Variants in REEP1 observed in about 807,000 individuals in gnomAD.
REEP1 encodes receptor accessory protein 1.
A neutral mutation model predicts 40.3 loss-of-function variants in REEP1; 22 were observed. That is an observed-to-expected ratio of 0.55 (90% CI 0.39 to 0.78). The LOEUF (loss-of-function observed/expected upper bound fraction) is 0.78, where lower values mean the gene tolerates loss of function less well. REEP1 is among the 30% of genes least tolerant of loss of function. REEP1 has a pLI of 0.00. For synonymous variants in REEP1, 116 were observed against 139.2 expected (o/e 0.83, Z 1.17); for missense variants, 280 against 361.1 (o/e 0.78, Z 1.82).
intron 1 of REEP1, among the ~76,000 whole-genome samples, chr2:86,320,463 G>A (rs1343093879): frequency 6.6e-6 from 1 of 151,936 alleles, no homozygotes; most frequent in African/African-American, 2.4e-5. Flanking sequence ...CACAGTGAAA[G>A]AAAAGAAAAA....
In REEP1 at chr2:86,215,105, G is replaced by A. The variant is rs1345975568; in HGVS notation, c.*1934C>T. 1 of 134,026 alleles carries A rather than the reference G, an allele frequency of 7.5e-6. No homozygotes were observed. Among genetic ancestry groups the A allele is most frequent in the Non-Finnish European group, 1.5e-5 (1 of 64,816 alleles). 8.3% of individuals were successfully genotyped at this position (134,026 alleles called of 1,614,324 possible). A position where few individuals can be genotyped will look rare whatever the true frequency, so the allele number is the denominator to read the frequency against. On this transcript the variant is annotated 3_prime_UTR_variant, in exon 9 of 9. Coordinates refer to ENST00000538924, the MANE Select transcript of REEP1 (RefSeq NM_001371279.1). Reference sequence around the variant, plus strand: ...CTAACAGGTAAATACATTTTAAAGAGTATATTCTTCTTCTGTCTGGAACTA... The same window carrying A: ...CTAACAGGTAAATACATTTTAAAGAATATATTCTTCTTCTGTCTGGAACTA...
At chr2:86,269,713 G>A (rs1677332169) in intron 2 of REEP1, among the ~76,000 whole-genome samples, 1 of 152,088 alleles carries the variant, frequency 6.6e-6, no homozygotes, top group Admixed American at 6.5e-5. Context: ...GATGGTAATA[G>A]GTGGTCAGGA....
Position 86,337,491 on chromosome 2 carries a change from G to A in REEP1, c.20C>T (p.Ser7Phe). MVSWII[S>F]RLVVLIFGTL... ...GAAGGCCACTTACACCACCAGCCTG[G>A]AGATGATCCATGACACCATGGCGGG... Residue 7 changes from serine (S) to phenylalanine (F), a missense_variant, in exon 1 of 9, where the codon TCC becomes TTC. This residue lies in a region of REEP1 where 68 missense variants were observed against 83.7 expected (regional missense o/e 0.81). Transcript: ENST00000538924. The surrounding 1 kb of genome is among the most constrained non-coding windows in gnomAD (Gnocchi z 5.8). The A allele has an allele frequency of 7.7e-7, 1 of 1,304,716 alleles. No individual in the cohort carries two copies. The highest frequency in any genetic ancestry group is 9.8e-7 in the Non-Finnish European group (1 of 1,018,646). The allele number at this position is 1,304,716 out of a possible 1,614,324, so 80.8% of individuals were successfully genotyped here. A position where few individuals can be genotyped will look rare whatever the true frequency, so the allele number is the denominator to read the frequency against.
At chr2:86,309,434 T>C (rs1679655886) in intron 1 of REEP1, among the ~76,000 whole-genome samples, 1 of 152,248 alleles carries the variant, frequency 6.6e-6, no homozygotes, top group Admixed American at 6.5e-5. Flanking sequence ...TGTAAACTGC[T>C]CTTCAATCCA....
intron 5 of REEP1, among the ~76,000 whole-genome samples, chr2:86,241,655 G>C (rs1034484959): frequency 6.6e-6 from 1 of 152,176 alleles, no homozygotes; most frequent in Non-Finnish European, 1.5e-5. Flanking sequence ...GGAGGAACTA[G>C]AGACCCTGGT....
Position 86,216,928 on chromosome 2 carries a change from G to C in REEP1, c.*111C>G. ...GAGAGAGAAAAGGCCATGTTTGTGA[G>C]GCTGCACACTCAAAGCACACCCAGC... is the stretch of plus-strand genomic sequence containing the variant. On this transcript the variant is annotated 3_prime_UTR_variant, in exon 9 of 9. Coordinates refer to ENST00000538924, the MANE Select transcript of REEP1 (RefSeq NM_001371279.1). 1.2e-6 allele frequency: 1 copy of C among 831,756 alleles called. No individual in the cohort carries two copies. The highest frequency in any genetic ancestry group is 2.0e-6 in the Non-Finnish European group (1 of 494,334). 51.5% of individuals were successfully genotyped at this position (831,756 alleles called of 1,614,324 possible). A position where few individuals can be genotyped will look rare whatever the true frequency, so the allele number is the denominator to read the frequency against.
At chr2:86,255,532 C>T (rs1008328801) in intron 3 of REEP1, among the ~76,000 whole-genome samples, 17 of 152,176 alleles carry the variant, frequency 1.1e-4, no homozygotes, top group African/African-American at 3.6e-4. Flanking sequence ...CACAGGCAGG[C>T]ACCCAGTCCC....
intron 1 of REEP1, among the ~76,000 whole-genome samples, chr2:86,329,843 C>A (rs373087620): frequency 2.0e-5 from 3 of 152,298 alleles, no homozygotes; most frequent in African/African-American, 4.8e-5. Flanking sequence ...GGAGACGAAG[C>A]AGATGTGGTC....
chr2:86,262,666 G>A (rs1027139534), intron 3 of REEP1, among the ~76,000 whole-genome samples: 1 of 152,172 alleles, frequency 6.6e-6, no homozygotes, highest in African/African-American at 2.4e-5. Flanking sequence ...GTAAGAACCT[G>A]TTTTCTCCAA....
Position 86,337,272 on chromosome 2 carries a change from C to T in REEP1, c.32+207G>A, listed in dbSNP as rs371434693. The T allele has an allele frequency of 1.4e-5, 4 of 278,580 alleles. No homozygotes were observed. The highest frequency in any genetic ancestry group is 9.0e-5 in the African/African-American group (4 of 44,352). The allele number at this position is 278,580 out of a possible 1,614,324, so 17.3% of individuals were successfully genotyped here. ...CCAGCCCCCCGCAAGCGGCCGCCGG[C>T]GCCGGCTGCCTCCTGGGCAGCAGCC... is the stretch of plus-strand genomic sequence containing the variant. On this transcript the variant is annotated intron_variant, in intron 1 of 8. Transcript: ENST00000538924. The surrounding 1 kb of genome is among the most constrained non-coding windows in gnomAD (Gnocchi z 5.8).
At chr2:86,306,241 C>T (rs889410335) in intron 1 of REEP1, among the ~76,000 whole-genome samples, 12 of 152,152 alleles carry the variant, frequency 7.9e-5, no homozygotes, top group African/African-American at 2.7e-4. Flanking sequence ...AATTCTAACC[C>T]AGTCTTCAGT....
intron 4 of REEP1, among the ~76,000 whole-genome samples, chr2:86,253,719 C>T (rs1676404337): frequency 6.6e-6 from 1 of 152,226 alleles, no homozygotes; most frequent in South Asian, 2.1e-4. Context: ...AAGAGATTTT[C>T]CGAAACTTGT....
intron 5 of REEP1, among the ~76,000 whole-genome samples, chr2:86,236,342 G>A (rs1404599615): frequency 3.9e-5 from 6 of 152,032 alleles, no homozygotes; most frequent in East Asian, 3.9e-4. Flanking sequence ...GTTCAGCTCC[G>A]CTCTGCAGAA....
chr2:86,257,098 A>T (rs1386256026), intron 3 of REEP1, among the ~76,000 whole-genome samples: 1 of 152,206 alleles, frequency 6.6e-6, no homozygotes, highest in Non-Finnish European at 1.5e-5. Context: ...TTTCACAGCC[A>T]GAAAAGAGAG....
intron 1 of REEP1, among the ~76,000 whole-genome samples, chr2:86,310,520 G>C (rs1679710564): frequency 6.6e-6 from 1 of 152,144 alleles, no homozygotes; most frequent in South Asian, 2.1e-4. Flanking sequence ...TAGTGACACA[G>C]TTCTCAGAAC....
At chr2:86,228,964 T>C (rs1423303030) in intron 6 of REEP1, among the ~76,000 whole-genome samples, 1 of 152,252 alleles carries the variant, frequency 6.6e-6, no homozygotes, top group Non-Finnish European at 1.5e-5. Flanking sequence ...GTTTTGCACT[T>C]TTCTTCACCT....
chr2:86,271,403 T>C (rs1677441236), intron 2 of REEP1, among the ~76,000 whole-genome samples: 2 of 150,914 alleles, frequency 1.3e-5, no homozygotes, highest in South Asian at 4.2e-4. Context: ...GATGCAAAGA[T>C]ACATTACACA....
At chr2:86,221,198 G>A (rs1024528587) in intron 7 of REEP1, among the ~76,000 whole-genome samples, 1 of 152,008 alleles carries the variant, frequency 6.6e-6, no homozygotes, top group Non-Finnish European at 1.5e-5. Flanking sequence ...CCACCACCAG[G>A]CGTGGAGTAA....
chr2:86,337,705 A>G, upstream of REEP1: 1 of 973,390 alleles, frequency 1.0e-6, no homozygotes, highest in Non-Finnish European at 1.2e-6. The surrounding 1 kb of genome is among the most constrained non-coding windows in gnomAD (Gnocchi z 5.8). Flanking sequence ...CGGCGGCCCC[A>G]GCCCCCCGGG....
Sources: allele counts gnomAD v4.1 joint callset (sites outside exome capture counted in the v4.1 genomes callset), GRCh38; gene constraint gnomAD v4.1.1; regional missense constraint gnomAD v4.1.1; non-coding constraint Gnocchi (gnomAD v3.1); transcripts MANE v1.5; gene names NCBI Gene and HGNC (gene_info 2026-07-23, HGNC 2026-07-21).